The following SIM2 variants were observed in gnomAD, a reference collection of about 807,000 sequenced individuals.
SIM2 encodes the protein single-minded homolog 2.
A neutral mutation model predicts 64.8 loss-of-function variants in SIM2; 28 were observed. The observed-to-expected ratio is 0.43, with a 90% confidence interval of 0.32 to 0.59. The LOEUF is 0.59. Among genes scored for constraint, SIM2 ranks in the 20% least tolerant of loss-of-function variants. SIM2 has a pLI of 0.07. For synonymous variants in SIM2, 408 were observed against 391.1 expected, an observed-to-expected ratio of 1.04 and a Z score of -0.51; for missense variants, 847 against 871.4, an observed-to-expected ratio of 0.97 and a Z score of 0.35.
chr21:36,722,979 G>A (rs977911031), intron 4 of SIM2, 66 bp from the exon 5 acceptor site: 39 of 1,229,536 alleles, frequency 3.2e-5, no homozygotes, highest in African/African-American at 5.9e-5. Flanking sequence ...ACATTGGTGC[G>A]GTTGGAATAA....
intron 7 of SIM2, among the ~76,000 whole-genome samples, chr21:36,738,230 G>C (rs9980055): frequency 6.6e-6 from 1 of 152,096 alleles, no homozygotes; most frequent in Admixed American, 6.5e-5. Context: ...ATAGCAGCCA[G>C]ATGCGGTGGC....
At chr21:36,719,759 C>A in intron 3 of SIM2, 62 bp from the exon 4 acceptor site, 1 of 978,092 alleles carries the variant, frequency 1.0e-6, no homozygotes, top group Non-Finnish European at 1.7e-6. Context: ...CACACCTTGC[C>A]CCTCCCCCTG....
intron 2 of SIM2, 44 bp downstream of exon 2, chr21:36,709,294 C>G (rs771939613): frequency 8.3e-6 from 12 of 1,454,414 alleles, no homozygotes; most frequent in East Asian, 2.4e-5. Context: ...GCCGCAGGCT[C>G]CCTTCCCACC....
At chr21:36,737,833 C>T (rs555318079) in intron 7 of SIM2, among the ~76,000 whole-genome samples, 20 of 151,738 alleles carry the variant, frequency 1.3e-4, no homozygotes, top group Non-Finnish European at 2.9e-4. Flanking sequence ...TGGTGGCATT[C>T]GCCTGTAATC....
rs1026722895 is a variant in SIM2, at chr21:36,726,690, C to T, written c.743+372C>T. On this transcript the variant is annotated intron_variant, in intron 6 of 10. Coordinates refer to ENST00000290399, the MANE Select transcript of SIM2 (RefSeq NM_005069.6). The surrounding 1 kb of genome is among the most constrained non-coding windows in gnomAD (Gnocchi z 4.5). ...CATGATGTCAGAGCTCTGCCTCCTG[C>T]GTCCAAGGAGGACTTTAGAACAAAC... 2.0e-5 allele frequency among the ~76,000 whole-genome samples: 3 copies of T among 152,180 alleles called. No homozygotes were observed. The highest frequency in any genetic ancestry group is 4.8e-5 in the African/African-American group (2 of 41,450).
intron 8 of SIM2, among the ~76,000 whole-genome samples, chr21:36,742,669 G>C (rs2835451): frequency 0.68 from 103,065 of 152,030 alleles, 35,684 homozygotes; most frequent in African/African-American, 0.78. Flanking sequence ...GCTCCAGGCT[G>C]TGACCCTTGC....
chr21:36,711,923 T>G (rs2088681770), intron 2 of SIM2, among the ~76,000 whole-genome samples: 1 of 152,224 alleles, frequency 6.6e-6, no homozygotes, highest in South Asian at 2.1e-4. Flanking sequence ...AAGTTGATAC[T>G]TTTCCTCCTT....
intron 2 of SIM2, 115 bp downstream of exon 2, chr21:36,709,365 CGGG>C: frequency 1.1e-6 from 1 of 880,714 alleles, no homozygotes; most frequent in Non-Finnish European, 1.8e-6. Context: ...CAGAGGCTGC[CGGG>C]GGCTGGGGAT....
chr21:36,731,973 C>T (rs1434470295), intron 7 of SIM2, among the ~76,000 whole-genome samples: 1 of 152,174 alleles, frequency 6.6e-6, no homozygotes, highest in Non-Finnish European at 1.5e-5. Context: ...ACCTCCGCCT[C>T]CTGGGTTCAA....
intron 1 of SIM2, among the ~76,000 whole-genome samples, chr21:36,702,872 G>A (rs916622559): frequency 8.7e-5 from 13 of 148,992 alleles, no homozygotes; most frequent in East Asian, 2.0e-4. Flanking sequence ...TGCCAAGGGC[G>A]GTCTTGTCTC....
chr21:36,706,366 C>G (rs977501363), intron 1 of SIM2, among the ~76,000 whole-genome samples: 47 of 152,248 alleles, frequency 3.1e-4, no homozygotes, highest in African/African-American at 9.9e-4. Context: ...CCCCTCCCCC[C>G]AGCCGCAACC....
intron 7 of SIM2, among the ~76,000 whole-genome samples, chr21:36,734,742 G>A (rs2089019898): frequency 6.6e-6 from 1 of 152,172 alleles, no homozygotes; most frequent in Non-Finnish European, 1.5e-5. Context: ...GAACTCTCTG[G>A]GAAGACAGTC....
rs2088451829 is a variant in SIM2 at position 36,699,501 on chromosome 21, C to G, written c.-246C>G. ...GGGGCTCCGGTTGCTGCAGGACGGTCCAGCCCGGAGGAGGCTGCGCTCCGG... is the reference window on the plus strand; with the variant it reads ...GGGGCTCCGGTTGCTGCAGGACGGTGCAGCCCGGAGGAGGCTGCGCTCCGG... On this transcript the variant is annotated 5_prime_UTR_variant, in exon 1 of 11. Coordinates refer to ENST00000290399, the MANE Select transcript of SIM2 (RefSeq NM_005069.6). This position sits in a 1 kb window ranked among gnomAD's most constrained non-coding sequence, Gnocchi z 5.6. 3.0e-6 allele frequency: 1 copy of G among 334,944 alleles called. No homozygotes were observed. Among genetic ancestry groups the G allele is most frequent in the Non-Finnish European group, 5.3e-6 (1 of 187,414 alleles). The allele number at this position is 334,944 out of a possible 1,614,324, so 20.7% of individuals were successfully genotyped here.
intron 4 of SIM2, among the ~76,000 whole-genome samples, chr21:36,722,343 TG>T (rs1475609533): frequency 6.6e-6 from 1 of 151,874 alleles, no homozygotes; most frequent in Non-Finnish European, 1.5e-5. Context: ...TCAGGGAGGG[TG>T]GAAGACTTTG....
chr21:36,717,739 C>A (rs1433089469), intron 3 of SIM2, among the ~76,000 whole-genome samples: 1 of 152,166 alleles, frequency 6.6e-6, no homozygotes, highest in African/African-American at 2.4e-5. Context: ...TAAGCCAACT[C>A]TCTTAGTTTT....
Position 36,747,969 on chromosome 21 carries a change from C to A in SIM2, c.1881C>A (p.Gly627=). ...PAASGLACAP[G]GPEAATGALR... ...CCTCCGGCCTGGCCTGCGCTCCCGG[C>A]GGCCCCGAGGCGGCGACCGGCGCGC... is the stretch of plus-strand genomic sequence containing the variant. The change falls in exon 11 of 11, where the codon GGC becomes GGA. Residue 627 remains glycine, a synonymous_variant. Coordinates refer to ENST00000290399, the MANE Select transcript of SIM2 (RefSeq NM_005069.6). This position sits in a 1 kb window ranked among gnomAD's most constrained non-coding sequence, Gnocchi z 4.5. 1 of 1,013,136 alleles carries A rather than the reference C, an allele frequency of 9.9e-7. No homozygotes were observed. The highest frequency in any genetic ancestry group is 1.2e-6 in the Non-Finnish European group (1 of 850,730). 62.8% of individuals were successfully genotyped at this position (1,013,136 alleles called of 1,614,324 possible).
At position 36,699,696 on chromosome 21, in the gene SIM2, T is replaced by G; in HGVS notation, c.-51T>G. The G allele has an allele frequency of 6.3e-7, 1 of 1,577,508 alleles. No individual in the cohort carries two copies. Among genetic ancestry groups the G allele is most frequent in the Non-Finnish European group, 8.6e-7 (1 of 1,163,156 alleles). On this transcript the variant is annotated 5_prime_UTR_variant, in exon 1 of 11. Coordinates refer to ENST00000290399, the MANE Select transcript of SIM2 (RefSeq NM_005069.6). The surrounding 1 kb of genome is among the most constrained non-coding windows in gnomAD (Gnocchi z 5.6). ...CCCGCCGCCGCAGCCCGAGCGGGGC[T>G]CCGCGGGCCTGGAGCACGGCCGGGT...
At chr21:36,707,575 G>T (rs1164149067) in intron 1 of SIM2, among the ~76,000 whole-genome samples, 1 of 152,084 alleles carries the variant, frequency 6.6e-6, no homozygotes, top group Non-Finnish European at 1.5e-5. Context: ...TTTTTAAATT[G>T]AGGAATAGTG....
At chr21:36,716,955 T>A (rs1169400084) in intron 3 of SIM2, among the ~76,000 whole-genome samples, 3 of 152,180 alleles carry the variant, frequency 2.0e-5, no homozygotes, top group Non-Finnish European at 4.4e-5. Context: ...AACCATAATT[T>A]TGACTTAAGG....
Sources: allele counts gnomAD v4.1 joint callset (sites outside exome capture counted in the v4.1 genomes callset), GRCh38; gene constraint gnomAD v4.1.1; non-coding constraint Gnocchi (gnomAD v3.1); transcripts MANE v1.5; gene names NCBI Gene and HGNC (gene_info 2026-07-23, HGNC 2026-07-21).